Variants in ROR1 observed in about 807,000 individuals in gnomAD.
ROR1 encodes the protein ROR family WNT receptor 1.
Under a neutral mutation model 78.8 loss-of-function variants are expected in ROR1, and 19 were observed. The ratio of observed to expected loss-of-function variants is 0.24; its 90% CI spans 0.17 to 0.35. The LOEUF is 0.35. Ranked by LOEUF, ROR1 falls within the 10% of genes least tolerant of loss-of-function variation. ROR1 has a pLI of 1.00. For missense variants in ROR1, 917 were observed against 1,177.8 expected (o/e 0.78, Z 3.24); for synonymous variants, 386 against 433.6 (o/e 0.89, Z 1.36).
At position 64,180,677 on chromosome 1, in the gene ROR1, T is replaced by C. The variant is rs77089213; in HGVS notation, c.*1822T>C. ...GAATATTTGTATCCTTTTGTTGCTATGCAACTGTTTAATGATGAAGCTTCA... is the reference window on the plus strand; with the variant it reads ...GAATATTTGTATCCTTTTGTTGCTACGCAACTGTTTAATGATGAAGCTTCA... On this transcript the variant is annotated 3_prime_UTR_variant, in exon 9 of 9. Transcript: ENST00000371079. 311 of 152,308 alleles carry C rather than the reference T, an allele frequency of 2.0e-3. 2 individuals are homozygous for C. Among genetic ancestry groups the C allele is most frequent in the African/African-American group, 7.2e-3 (299 of 41,578 alleles). The allele number at this position is 152,308 out of a possible 1,614,324, so 9.4% of individuals were successfully genotyped here.
intron 1 of ROR1, among the ~76,000 whole-genome samples, chr1:63,983,695 C>T (rs760393887): frequency 2.2e-4 from 33 of 152,296 alleles, no homozygotes; most frequent in Non-Finnish European, 3.5e-4. Flanking sequence ...CTGCCTTTAG[C>T]GCCTCATTGT....
At chr1:63,998,885 C>T (rs766799102) in intron 1 of ROR1, among the ~76,000 whole-genome samples, 1 of 152,096 alleles carries the variant, frequency 6.6e-6, no homozygotes, top group Non-Finnish European at 1.5e-5. Context: ...GACGGTTTCC[C>T]CTGTACTGTT....
intron 1 of ROR1, among the ~76,000 whole-genome samples, chr1:63,826,859 G>A (rs1468640755): frequency 6.6e-6 from 1 of 151,984 alleles, no homozygotes; most frequent in Non-Finnish European, 1.5e-5. Context: ...GTGTGAGATG[G>A]TATCTCACTG....
intron 1 of ROR1, among the ~76,000 whole-genome samples, chr1:63,826,470 C>T (rs1569777899): frequency 6.6e-6 from 1 of 152,112 alleles, no homozygotes; most frequent in African/African-American, 2.4e-5. Context: ...ATACATACCA[C>T]ATTTTCTTTA....
chr1:64,110,407 C>G (rs889745099), intron 4 of ROR1, among the ~76,000 whole-genome samples: 1 of 152,078 alleles, frequency 6.6e-6, no homozygotes, highest in Non-Finnish European at 1.5e-5. Context: ...GTCACACAGC[C>G]TATCAGATAT....
chr1:64,000,079 A>T (rs1646370093), intron 1 of ROR1, among the ~76,000 whole-genome samples: 1 of 152,194 alleles, frequency 6.6e-6, no homozygotes, highest in South Asian at 2.1e-4. Flanking sequence ...GGCCATACAA[A>T]GGGGAAAATG....
At chr1:63,895,031 A>G (rs895239674) in intron 1 of ROR1, among the ~76,000 whole-genome samples, 2 of 152,190 alleles carry the variant, frequency 1.3e-5, no homozygotes, top group Non-Finnish European at 2.9e-5. Context: ...TTTATAAAAC[A>G]TATTTGGATG....
At chr1:64,077,809 G>A (rs1449638966) in intron 4 of ROR1, among the ~76,000 whole-genome samples, 1 of 152,240 alleles carries the variant, frequency 6.6e-6, no homozygotes, top group Non-Finnish European at 1.5e-5. Flanking sequence ...AAAGGCCAGA[G>A]CCATCAGCGT....
At chr1:63,903,519 T>A (rs560608319) in intron 1 of ROR1, among the ~76,000 whole-genome samples, 1 of 152,118 alleles carries the variant, frequency 6.6e-6, no homozygotes, top group South Asian at 2.1e-4. Context: ...GAAGTCAGAA[T>A]GATACAAAAA....
chr1:63,995,032 A>G (rs1193438191), intron 1 of ROR1, among the ~76,000 whole-genome samples: 1 of 152,178 alleles, frequency 6.6e-6, no homozygotes, highest in Non-Finnish European at 1.5e-5. Context: ...GAAAGTTCCT[A>G]TGCAGGCAGC....
chr1:63,966,537 T>A (rs1183035393), intron 1 of ROR1, among the ~76,000 whole-genome samples: 2 of 152,198 alleles, frequency 1.3e-5, no homozygotes, highest in African/African-American at 4.8e-5. Context: ...AGGTGAGTTT[T>A]TACAACAGAA....
chr1:64,044,962 G>A (rs1292743987), intron 2 of ROR1, among the ~76,000 whole-genome samples: 2 of 152,070 alleles, frequency 1.3e-5, no homozygotes, highest in East Asian at 1.9e-4. Context: ...GAAAACGAAC[G>A]TAACTCAGTA....
rs181644482 is a variant in ROR1, at chr1:63,840,832, T to A, written c.91+66324T>A. Among the ~76,000 whole-genome samples, 3 of 152,318 alleles carry A rather than the reference T, an allele frequency of 2.0e-5. No homozygotes were observed. The East Asian group carries it at 5.8e-4, about 29-fold the overall frequency. On this transcript the variant is annotated intron_variant, in intron 1 of 8. Coordinates refer to ENST00000371079, the MANE Select transcript of ROR1 (RefSeq NM_005012.4). ...GTAAGTTACTTGACTTGTCTAGGTGTCAGTTTTCTCATCTAGAAAATGGGA... is the reference window on the plus strand; with the variant it reads ...GTAAGTTACTTGACTTGTCTAGGTGACAGTTTTCTCATCTAGAAAATGGGA...
At chr1:64,102,733 CT>C (rs1557652868) in intron 4 of ROR1, among the ~76,000 whole-genome samples, 1 of 152,150 alleles carries the variant, frequency 6.6e-6, no homozygotes, top group Admixed American at 6.5e-5. Context: ...CATTGTTAAT[CT>C]GCTCAATTCA....
chr1:63,960,233 G>A lies in ROR1; in HGVS notation c.92-49072G>A, dbSNP rs1027617668. Among the ~76,000 whole-genome samples, 6 of 152,320 alleles carry A rather than the reference G, an allele frequency of 3.9e-5. No individual in the cohort carries two copies. The South Asian group carries it at 8.3e-4, about 21-fold the overall frequency. ...CTTTCAGTACTTAGATCTACAGAGA[G>A]AATAAAAGAATTTTCCCTCTGGTGG... On this transcript the variant is annotated intron_variant, in intron 1 of 8. Transcript: ENST00000371079.
At chr1:64,133,896 C>T (rs538019510) in intron 4 of ROR1, among the ~76,000 whole-genome samples, 1 of 152,252 alleles carries the variant, frequency 6.6e-6, no homozygotes, top group East Asian at 1.9e-4. Context: ...GCTGGAGGAG[C>T]ATTTGTTCCC....
intron 8 of ROR1, among the ~76,000 whole-genome samples, chr1:64,160,564 C>T (rs1478940973): frequency 6.6e-6 from 1 of 152,104 alleles, no homozygotes; most frequent in Admixed American, 6.5e-5. Flanking sequence ...ACTCTTTTGA[C>T]ATCCCAGCTT....
At chr1:64,100,934 A>G (rs1459765210) in intron 4 of ROR1, among the ~76,000 whole-genome samples, 1 of 152,194 alleles carries the variant, frequency 6.6e-6, no homozygotes, top group African/African-American at 2.4e-5. Context: ...TCTTTTCAGG[A>G]GCACTGGATG....
chr1:63,815,484 C>T (rs74079319), intron 1 of ROR1, among the ~76,000 whole-genome samples: 4,867 of 83,208 alleles, frequency 0.058, 186 homozygotes, highest in African/African-American at 0.21. Context: ...TTTTCTTTTT[C>T]TTTTTTTTTT....
Sources: allele counts gnomAD v4.1 joint callset (sites outside exome capture counted in the v4.1 genomes callset), GRCh38; gene constraint gnomAD v4.1.1; transcripts MANE v1.5; gene names NCBI Gene and HGNC (gene_info 2026-07-23, HGNC 2026-07-21).